Variants in KAZN observed in about 807,000 individuals in gnomAD.
KAZN encodes the protein kazrin.
Under a neutral mutation model 87.4 loss-of-function variants are expected in KAZN, and 40 were observed. That is an observed-to-expected ratio of 0.46 (90% CI 0.36 to 0.60). The LOEUF (loss-of-function observed/expected upper bound fraction) is 0.60, where lower values mean the gene tolerates loss of function less well. Ranked by LOEUF, KAZN falls within the 20% of genes least tolerant of loss-of-function variation. The pLI is 0.00. For missense variants in KAZN, 898 were observed against 1,073.9 expected (o/e 0.84, Z 2.29); for synonymous variants, 466 against 458.3 (o/e 1.02, Z -0.22).
chr1:14,215,565 C>T (rs1486901126), intron 2 of KAZN, among the ~76,000 whole-genome samples: 1 of 152,174 alleles, frequency 6.6e-6, no homozygotes, highest in African/African-American at 2.4e-5. Context: ...GTTGAATAGC[C>T]TTAACTTTCT....
intron 2 of KAZN, among the ~76,000 whole-genome samples, chr1:14,265,209 G>A (rs1282214507): frequency 1.3e-5 from 2 of 152,168 alleles, no homozygotes; most frequent in African/African-American, 4.8e-5. Flanking sequence ...AAAGAAGAAG[G>A]TCTAACACTA....
intron 1 of KAZN, among the ~76,000 whole-genome samples, chr1:14,117,643 T>C (rs1296457209): frequency 6.6e-6 from 1 of 151,968 alleles, no homozygotes; most frequent in Non-Finnish European, 1.5e-5. Context: ...ATGGGCCCCT[T>C]CTAAAGACAG....
intron 1 of KAZN, among the ~76,000 whole-genome samples, chr1:13,898,812 G>A (rs949009192): frequency 1.3e-5 from 2 of 152,176 alleles, no homozygotes; most frequent in Non-Finnish European, 2.9e-5. Context: ...CCTTCTGAAG[G>A]CTGCCAGCTG....
At chr1:14,636,295 C>T (rs983003249) in intron 1 of KAZN, among the ~76,000 whole-genome samples, 3 of 152,158 alleles carry the variant, frequency 2.0e-5, no homozygotes, top group Non-Finnish European at 4.4e-5. Flanking sequence ...CTAATTGTAA[C>T]TTTGAAATCA....
intron 2 of KAZN, among the ~76,000 whole-genome samples, chr1:14,383,259 G>T (rs1324318166): frequency 6.7e-6 from 1 of 149,334 alleles, no homozygotes; most frequent in South Asian, 2.1e-4. Flanking sequence ...CTCCCATTTT[G>T]TAGGTTGCCT....
At chr1:14,078,681 GC>G (rs1482354228) in intron 1 of KAZN, among the ~76,000 whole-genome samples, 2 of 151,546 alleles carry the variant, frequency 1.3e-5, no homozygotes, top group African/African-American at 4.8e-5. Flanking sequence ...GCTCTCTGGG[GC>G]CTCTCTTTTT....
At chr1:14,484,945 C>T (rs868334223) in intron 2 of KAZN, among the ~76,000 whole-genome samples, 8 of 152,172 alleles carry the variant, frequency 5.3e-5, no homozygotes, top group Admixed American at 6.5e-5. Context: ...GCAAATCACA[C>T]GCTGAGCCCA....
intron 2 of KAZN, among the ~76,000 whole-genome samples, chr1:14,192,997 AAG>A (rs1251914796): frequency 2.0e-5 from 3 of 152,152 alleles, no homozygotes; most frequent in African/African-American, 7.2e-5. Context: ...TGTGTGTCAA[AAG>A]AGAGACCAGA....
intron 2 of KAZN, among the ~76,000 whole-genome samples, chr1:14,242,159 T>G (rs1473330686): frequency 7.9e-5 from 12 of 152,216 alleles, no homozygotes; most frequent in Admixed American, 7.9e-4. Context: ...CTGCTATACT[T>G]AACATTTATT....
At chr1:14,113,548 C>T (rs1021975290) in intron 1 of KAZN, among the ~76,000 whole-genome samples, 2 of 152,154 alleles carry the variant, frequency 1.3e-5, no homozygotes, top group Non-Finnish European at 1.5e-5. Context: ...CCAAAAACTT[C>T]CATGTTTGAG....
chr1:14,488,901 G>A (rs1669494936), intron 2 of KAZN, among the ~76,000 whole-genome samples: 1 of 152,184 alleles, frequency 6.6e-6, no homozygotes, highest in African/African-American at 2.4e-5. Context: ...TGTGTTTGGA[G>A]GACAGGATTC....
intron 2 of KAZN, among the ~76,000 whole-genome samples, chr1:14,562,568 G>A (rs150858658): frequency 3.9e-5 from 6 of 152,262 alleles, no homozygotes; most frequent in African/African-American, 1.4e-4. Flanking sequence ...CTTCTGTGAG[G>A]TTTTCAGTCT....
chr1:14,181,320 T>C (rs1436763063), intron 2 of KAZN, among the ~76,000 whole-genome samples: 1 of 152,202 alleles, frequency 6.6e-6, no homozygotes, highest in Non-Finnish European at 1.5e-5. Context: ...TTGGTGATTT[T>C]TGTGTTCATT....
chr1:13,893,358 G>T, exon 1 of KAZN: 1 of 248,776 alleles, frequency 4.0e-6, no homozygotes, highest in South Asian at 8.6e-5. Flanking sequence ...CACCCTTCCG[G>T]GTCAAGAAGC....
At chr1:14,122,271 A>G (rs1644768285) in intron 1 of KAZN, among the ~76,000 whole-genome samples, 1 of 152,232 alleles carries the variant, frequency 6.6e-6, no homozygotes, top group Non-Finnish European at 1.5e-5. Flanking sequence ...GAGGCATCAG[A>G]GATAACTGTA....
intron 1 of KAZN, among the ~76,000 whole-genome samples, chr1:14,797,341 A>G (rs1385860480): frequency 1.3e-5 from 2 of 152,140 alleles, no homozygotes; most frequent in African/African-American, 4.8e-5. Flanking sequence ...GATTACAGGC[A>G]TGAGCCACCA....
intron 1 of KAZN, among the ~76,000 whole-genome samples, chr1:14,101,139 G>T (rs1431880468): frequency 6.6e-6 from 1 of 152,116 alleles, no homozygotes; most frequent in Non-Finnish European, 1.5e-5. Context: ...CACGGTGGGA[G>T]CCCTCCCCAA....
chr1:14,692,421 C>G, intron 1 of KAZN: 1 of 274,404 alleles, frequency 3.6e-6, no homozygotes, highest in Non-Finnish European at 6.9e-6. Flanking sequence ...TGATGGCTCT[C>G]TATTACCAAG....
chr1:14,955,538 T>C (rs142113895), intron 1 of KAZN, among the ~76,000 whole-genome samples: 3 of 152,310 alleles, frequency 2.0e-5, no homozygotes, highest in Non-Finnish European at 4.4e-5. Flanking sequence ...TCTCTTTCCA[T>C]GGAGTTGTTT....
Sources: allele counts gnomAD v4.1 joint callset (sites outside exome capture counted in the v4.1 genomes callset), GRCh38; gene constraint gnomAD v4.1.1; transcripts MANE v1.5; gene names NCBI Gene and HGNC (gene_info 2026-07-23, HGNC 2026-07-21).